Variants in EIF5A observed in about 807,000 individuals in gnomAD.
EIF5A encodes the protein eukaryotic translation initiation factor 5A.
Under a neutral mutation model 16.6 loss-of-function variants are expected in EIF5A, and 1 was observed. That is an observed-to-expected ratio of 0.06 (90% CI 0.02 to 0.28). EIF5A has a LOEUF of 0.28. Ranked by LOEUF, EIF5A falls within the 10% of genes least tolerant of loss-of-function variation. EIF5A has a pLI of 1.00. For synonymous variants in EIF5A, 80 were observed against 73.6 expected, an observed-to-expected ratio of 1.09 and a Z score of -0.44; for missense variants, 29 against 196.1, an observed-to-expected ratio of 0.15 and a Z score of 5.09.
At chr17:7,311,168 A>C (rs1304855956) in intron 3 of EIF5A, 46 bp downstream of exon 3, 2 of 1,602,734 alleles carry the variant, frequency 1.2e-6, no homozygotes, top group Admixed American at 1.7e-5. Context: ...TTTATGGTGG[A>C]GGGAGGGGTT....
upstream of EIF5A, chr17:7,307,595 T>G: frequency 9.8e-7 from 1 of 1,016,086 alleles, no homozygotes; most frequent in Non-Finnish European, 1.2e-6. Flanking sequence ...GTCATAGGGC[T>G]GCTTGGTTGG....
At chr17:7,311,523 TG>T (rs1451494539) in intron 4 of EIF5A, 42 bp downstream of exon 4, 1 of 1,614,096 alleles carries the variant, frequency 6.2e-7, no homozygotes, top group East Asian at 2.2e-5. Context: ...AGCTTTGTTC[TG>T]TACGTTTCTT....
At chr17:7,307,320 C>G, upstream of EIF5A, 5 of 1,179,400 alleles carry the variant, frequency 4.2e-6, no homozygotes, top group Non-Finnish European at 5.5e-6. Context: ...GAGTGCAGGG[C>G]TCCTTATTGC....
At chr17:7,309,174 C>G (rs942611675) in intron 1 of EIF5A, among the ~76,000 whole-genome samples, 1 of 147,498 alleles carries the variant, frequency 6.8e-6, no homozygotes, top group Non-Finnish European at 1.5e-5. Context: ...GTCCTCCGGT[C>G]TCCACCCTCC....
rs750835022 is a variant in EIF5A at position 7,309,883 on chromosome 17, G to A, written c.165+83G>A. ...CCAGCAGCAAGCTGCCAACAGTGCTGACTTTCCTTTAACTCTGCTTTTACT... is the reference window on the plus strand; with the variant it reads ...CCAGCAGCAAGCTGCCAACAGTGCTAACTTTCCTTTAACTCTGCTTTTACT... On this transcript the variant is annotated intron_variant, in intron 2 of 5. Transcript: ENST00000336458. The A allele has an allele frequency of 3.7e-6, 6 of 1,613,300 alleles. No individual in the cohort carries two copies. In the African/African-American group the frequency reaches 8.0e-5, roughly 22 times the overall value.
intron 1 of EIF5A, chr17:7,308,148 TGGGGGG>T: frequency 1.2e-5 from 1 of 83,822 alleles, no homozygotes; most frequent in Non-Finnish European, 1.8e-5. Flanking sequence ...GAGGGCATGA[TGGGGGG>T]GGTTGGCGGA....
At chr17:7,308,074 C>G in intron 1 of EIF5A, 3 of 992,250 alleles carry the variant, frequency 3.0e-6, no homozygotes, top group Non-Finnish European at 2.4e-6. Context: ...GGCAAGGGTA[C>G]CTGGGCCGTT....
At chr17:7,311,213 GGAGA>G in intron 3 of EIF5A, 91 bp downstream of exon 3, 1 of 1,577,826 alleles carries the variant, frequency 6.3e-7, no homozygotes, top group Non-Finnish European at 8.6e-7. Flanking sequence ...GCTTGTGCTG[GGAGA>G]GAGGAGGGAA....
intron 2 of EIF5A, chr17:7,310,387 T>C: frequency 1.7e-6 from 2 of 1,194,446 alleles, no homozygotes; most frequent in Non-Finnish European, 2.1e-6. Flanking sequence ...AGCACTTCCC[T>C]CATCACCTCA....
At position 7,309,212 on chromosome 17, in the gene EIF5A, C is replaced by T. The variant is rs185273492; in HGVS notation, c.-21-403C>T. On this transcript the variant is annotated intron_variant, in intron 1 of 5. Transcript: ENST00000336458. ...CCCCCCAATTAGCCCTGCCCTTTTGCTGGATCATAGCTGCTCACCTAATTA... is the reference window on the plus strand; with the variant it reads ...CCCCCCAATTAGCCCTGCCCTTTTGTTGGATCATAGCTGCTCACCTAATTA... Among the ~76,000 whole-genome samples, 604 of 142,538 alleles carry T rather than the reference C, an allele frequency of 4.2e-3. 2 individuals carry two copies. Among genetic ancestry groups the T allele is most frequent in the African/African-American group, 0.014 (555 of 40,284 alleles). The allele number at this position is 142,538 out of a possible 152,430, so 93.5% of individuals were successfully genotyped here.
At position 7,307,666 on chromosome 17, in the gene EIF5A, A is replaced by AGGCGGCGGCGGC. The variant is rs375376801; in HGVS notation, c.-101_-90dup. 1.0e-5 allele frequency: 11 copies of AGGCGGCGGCGGC among 1,049,278 alleles called. No homozygotes were observed. The African/African-American group carries it at 1.6e-4, about 15-fold the overall frequency. The allele number at this position is 1,049,278 out of a possible 1,614,324, so 65.0% of individuals were successfully genotyped here. A position where few individuals can be genotyped will look rare whatever the true frequency, so the allele number is the denominator to read the frequency against. On this transcript the variant is annotated 5_prime_UTR_variant, in exon 1 of 6. Transcript: ENST00000336458. Reference sequence around the variant, plus strand: ...TGTGCAGCAGCGGCGGCGGCGGTAGAGGCGGCGGCGGCGGCGGCAGCGGGC... The same window carrying AGGCGGCGGCGGC: ...TGTGCAGCAGCGGCGGCGGCGGTAGAGGCGGCGGCGGCGGCGGCGGCGGCGGCGGCAGCGGGC...
chr17:7,307,572 C>A, upstream of EIF5A: 2 of 1,006,108 alleles, frequency 2.0e-6, no homozygotes, highest in Non-Finnish European at 2.4e-6. Context: ...ATAGATAGCA[C>A]GCTTGCGCGG....
At chr17:7,308,278 G>A (rs1286505702) in intron 1 of EIF5A, 4 of 1,068,900 alleles carry the variant, frequency 3.7e-6, no homozygotes, top group South Asian at 2.0e-5. Context: ...GTCGCAGGCC[G>A]CATGGCCAAG....
At chr17:7,311,197 A>C (rs945249262) in intron 3 of EIF5A, 75 bp downstream of exon 3, 3 of 1,584,874 alleles carry the variant, frequency 1.9e-6, no homozygotes, top group Non-Finnish European at 2.6e-6. Flanking sequence ...GGGACTGACC[A>C]GGAGAGCTTG....
At chr17:7,310,089 T>A (rs745780233) in intron 2 of EIF5A, 12 of 1,400,912 alleles carry the variant, frequency 8.6e-6, no homozygotes, top group South Asian at 2.4e-5. Context: ...CTCTAGCTAT[T>A]CAGTTGCTCC....
At chr17:7,310,554 A>C in intron 2 of EIF5A, 1 of 1,083,554 alleles carries the variant, frequency 9.2e-7, no homozygotes, top group Non-Finnish European at 1.1e-6. Context: ...TGGCTTCCTT[A>C]TTTTCTAGCT....
In EIF5A at chr17:7,308,228, G is replaced by A. The variant is rs1348653654; in HGVS notation, c.-22+476G>A. 6.1e-5 allele frequency: 62 copies of A among 1,022,584 alleles called. No homozygotes were observed. In the South Asian group the frequency reaches 1.1e-3, roughly 19 times the overall value. 63.3% of individuals were successfully genotyped at this position (1,022,584 alleles called of 1,614,324 possible). A position where few individuals can be genotyped will look rare whatever the true frequency, so the allele number is the denominator to read the frequency against. On this transcript the variant is annotated intron_variant, in intron 1 of 5. Transcript: ENST00000336458. The stretch of plus-strand genomic sequence containing the variant: ...CGCAGTCTCTGAGGAGGGGGCGGCC[G>A]CGGCACCGGAAGTGCCCCCCACGGG...
At chr17:7,311,697 C>G (rs995792148) in intron 5 of EIF5A, 46 bp downstream of exon 5, 4 of 1,609,824 alleles carry the variant, frequency 2.5e-6, no homozygotes, top group Non-Finnish European at 3.4e-6. Context: ...TTTTGTTGTC[C>G]TCAGCAGAGC....
chr17:7,311,547 C>CCT (rs778512619), intron 4 of EIF5A, 31 bp from the exon 5 acceptor site: 1 of 1,614,056 alleles, frequency 6.2e-7, no homozygotes, highest in African/African-American at 1.3e-5. Context: ...TGAGCTCAGA[C>CCT]ATCTCTTGGC....
Sources: allele counts gnomAD v4.1 joint callset (sites outside exome capture counted in the v4.1 genomes callset), GRCh38; gene constraint gnomAD v4.1.1; transcripts MANE v1.5; gene names NCBI Gene and HGNC (gene_info 2026-07-23, HGNC 2026-07-21).